The following MIOS variants were observed in gnomAD, a reference collection of about 807,000 sequenced individuals.
MIOS encodes GATOR2 complex protein MIOS.
MIOS carries 52 observed loss-of-function variants against 96.9 expected under a neutral mutation model. The ratio of observed to expected loss-of-function variants is 0.54; its 90% CI spans 0.43 to 0.68. MIOS has a LOEUF of 0.68. Ranked by LOEUF, MIOS falls within the 30% of genes least tolerant of loss-of-function variation. The probability of loss-of-function intolerance (pLI) is 0.00; values close to 1 mark genes in which losing one functional copy is unlikely to be tolerated. For synonymous variants in MIOS, 397 were observed against 359.5 expected, an observed-to-expected ratio of 1.10 and a Z score of -1.18; for missense variants, 1,005 against 1,052.8, an observed-to-expected ratio of 0.95 and a Z score of 0.63.
rs6973400 is a variant in MIOS at position 7,567,093 on chromosome 7, T to A, written c.-221+21T>A. Reference sequence around the variant, plus strand: ...CTCAGGTCAGTGAGCGCGACCCGGTTCGCGTCTCGACTCTCGGGAGCGCCG... The same window carrying A: ...CTCAGGTCAGTGAGCGCGACCCGGTACGCGTCTCGACTCTCGGGAGCGCCG... On this transcript the variant is annotated intron_variant, in intron 1 of 12. Coordinates refer to ENST00000340080, the MANE Select transcript of MIOS (RefSeq NM_019005.4). 1 of 151,988 alleles carries A rather than the reference T, an allele frequency of 6.6e-6. No homozygotes were observed. The highest frequency in any genetic ancestry group is 6.5e-5 in the Admixed American group (1 of 15,270). The allele number at this position is 151,988 out of a possible 1,614,324, so 9.4% of individuals were successfully genotyped here. A position where few individuals can be genotyped will look rare whatever the true frequency, so the allele number is the denominator to read the frequency against.
chr7:7,578,655 G>T (rs544541267), intron 5 of MIOS, among the ~76,000 whole-genome samples: 1 of 152,182 alleles, frequency 6.6e-6, no homozygotes, highest in East Asian at 1.9e-4. Context: ...AAACAAATTA[G>T]TAGCTACAAA....
At chr7:7,601,129 T>C (rs888993259) in intron 11 of MIOS, among the ~76,000 whole-genome samples, 11 of 151,930 alleles carry the variant, frequency 7.2e-5, no homozygotes, top group African/African-American at 2.4e-4. Context: ...AGATCTAAAA[T>C]TGACACCCTA....
chr7:7,573,297 A>G lies in MIOS; in HGVS notation c.822A>G (p.Ala274=), dbSNP rs367605152. 2.2e-5 allele frequency: 36 copies of G among 1,613,990 alleles called. No homozygotes were observed. Among genetic ancestry groups the G allele is most frequent in the Non-Finnish European group, 5.9e-6 (7 of 1,179,982 alleles). Reference sequence around the variant, plus strand: ...AACCAAAACCCTTAACAAAAGTAGCATGGTGTCCCACTAGGACTGGTCTAC... The same window carrying G: ...AACCAAAACCCTTAACAAAAGTAGCGTGGTGTCCCACTAGGACTGGTCTAC... The part of the protein sequence containing the change: ...TEQPKPLTKV[A]WCPTRTGLLA... The change falls in exon 4 of 13, where the codon GCA becomes GCG. Residue 274 remains alanine, a synonymous_variant. Transcript: ENST00000340080. The surrounding 1 kb of genome is among the most constrained non-coding windows in gnomAD (Gnocchi z 5.0).
intron 7 of MIOS, among the ~76,000 whole-genome samples, chr7:7,587,381 G>A (rs368047688): frequency 2.0e-5 from 3 of 152,112 alleles, no homozygotes; most frequent in African/African-American, 7.2e-5. Context: ...TCTTGAGTAC[G>A]AAGTTCATAT....
intron 9 of MIOS, among the ~76,000 whole-genome samples, chr7:7,591,505 C>G (rs866720637): frequency 6.6e-6 from 1 of 151,976 alleles, no homozygotes; most frequent in African/African-American, 2.4e-5. Context: ...GTCTCAAACT[C>G]CTGACCTCAA....
At position 7,597,517 on chromosome 7, in the gene MIOS, T is replaced by TATATATATATATATATATAAAAAA. The variant is rs372634070; in HGVS notation, c.2401+1056_2401+1057insATATATATATATATATATAAAAAA. Among the ~76,000 whole-genome samples the TATATATATATATATATATAAAAAA allele has an allele frequency of 4.3e-4, 30 of 70,442 alleles. 5 individuals are homozygous for TATATATATATATATATATAAAAAA. The highest frequency in any genetic ancestry group is 1.1e-3 in the East Asian group (2 of 1,848). The allele number at this position is 70,442 out of a possible 152,430, so 46.2% of individuals were successfully genotyped here. On this transcript the variant is annotated intron_variant, in intron 11 of 12. Transcript: ENST00000340080. The stretch of plus-strand genomic sequence containing the variant: ...ATATATATATATATATATATATATA[T>TATATATATATATATATATAAAAAA]GAAGGCAATACGTAATGTTTTAAAT...
rs568072452 is a variant in MIOS at position 7,574,134 on chromosome 7, C to G, written c.1331C>G (p.Ser444Cys). The change falls in exon 5 of 13, where the codon TCT becomes TGT. Residue 444 changes from serine to cysteine, a missense_variant. Coordinates refer to ENST00000340080, the MANE Select transcript of MIOS (RefSeq NM_019005.4). ...TACACAGAAGATATGGATCAGAAAT[C>G]TCCAGGCAACAAAGGATCATTGGTT... ...KQYTEDMDQK[S>C]PGNKGSLVYA... The G allele has an allele frequency of 7.4e-6, 12 of 1,610,884 alleles. No homozygotes were observed. The highest frequency in any genetic ancestry group is 1.0e-5 in the Non-Finnish European group (12 of 1,178,298).
At chr7:7,584,784 T>C (rs1367528082) in intron 6 of MIOS, among the ~76,000 whole-genome samples, 1 of 152,184 alleles carries the variant, frequency 6.6e-6, no homozygotes, top group Non-Finnish European at 1.5e-5. Flanking sequence ...AATTCAGTTT[T>C]TTCTTTTGAA....
At chr7:7,593,901 A>AAAAAAAAAAAAAAAAAAAAAAAAC (rs376486803) in intron 9 of MIOS, among the ~76,000 whole-genome samples, 3 of 145,040 alleles carry the variant, frequency 2.1e-5, no homozygotes, top group Non-Finnish European at 4.6e-5. Context: ...AAAAAGAAAA[A>AAAAAAAAAAAAAAAAAAAAAAAAC]GAAAAGAAAA....
chr7:7,591,595 A>T (rs1203025630), intron 9 of MIOS, among the ~76,000 whole-genome samples: 2 of 152,050 alleles, frequency 1.3e-5, no homozygotes, highest in African/African-American at 4.8e-5. Context: ...TCTGATTTTT[A>T]ATGTTTAAGT....
chr7:7,567,356 CG>C (rs1783178920), intron 1 of MIOS: 1 of 152,522 alleles, frequency 6.6e-6, no homozygotes, highest in Admixed American at 6.5e-5. Context: ...CAGCCTTTCC[CG>C]GGAGGCTCAG....
intron 8 of MIOS, 36 bp downstream of exon 8, chr7:7,588,599 A>G (rs774991802): frequency 1.5e-6 from 2 of 1,358,662 alleles, no homozygotes; most frequent in Non-Finnish European, 2.1e-6. Context: ...TGAAGTAATT[A>G]ATATGTACTG....
intron 11 of MIOS, among the ~76,000 whole-genome samples, chr7:7,604,459 G>A (rs1292495428): frequency 6.6e-6 from 1 of 152,082 alleles, no homozygotes; most frequent in Non-Finnish European, 1.5e-5. Flanking sequence ...TTCAACAAAT[G>A]TTTATTTGGT....
chr7:7,587,322 AGTATCCTT>A (rs1783919865), intron 7 of MIOS, among the ~76,000 whole-genome samples: 1 of 152,056 alleles, frequency 6.6e-6, no homozygotes, highest in Non-Finnish European at 1.5e-5. Flanking sequence ...GCCCTGCCCC[AGTATCCTT>A]GTTTTGCTAT....
Position 7,583,172 on chromosome 7 carries a change from T to C in MIOS, c.1448T>C (p.Ile483Thr). 7 of 1,614,158 alleles carry C rather than the reference T, an allele frequency of 4.3e-6. No homozygotes were observed. The highest frequency in any genetic ancestry group is 1.1e-5 in the South Asian group (1 of 91,082). ...AGTGGGTTGGATAAGCAAAGTGATA[T>C]TCAAAATTTAAATGAAGAGAGAATC... The part of the protein sequence containing the change: ...NWSGLDKQSD[I>T]QNLNEERILA... Residue 483 changes from isoleucine to threonine, a missense_variant, in exon 6 of 13, where the codon ATT becomes ACT. Physicochemically the swap from Ile to Thr is moderately conservative, Grantham distance 89. Coordinates refer to ENST00000340080, the MANE Select transcript of MIOS (RefSeq NM_019005.4).
At chr7:7,599,245 CTTAT>C in intron 11 of MIOS, among the ~76,000 whole-genome samples, 1 of 152,226 alleles carries the variant, frequency 6.6e-6, no homozygotes, top group South Asian at 2.1e-4. Context: ...ATTTATTTCT[CTTAT>C]TTATTAGTGA....
rs1784469050 is a variant in MIOS, at chr7:7,604,448, A to G, written c.2402-1494A>G. Among the ~76,000 whole-genome samples, 4 of 152,232 alleles carry G rather than the reference A, an allele frequency of 2.6e-5. No individual in the cohort carries two copies. In the South Asian group the frequency reaches 8.3e-4, roughly 31 times the overall value. On this transcript the variant is annotated intron_variant, in intron 11 of 12. Transcript: ENST00000340080. ...ATTATAAACATTATAAATATTATTTATTCAACAAATGTTTATTTGGTACCT... is the reference window on the plus strand; with the variant it reads ...ATTATAAACATTATAAATATTATTTGTTCAACAAATGTTTATTTGGTACCT...
At chr7:7,592,260 A>C (rs1254384282) in intron 9 of MIOS, among the ~76,000 whole-genome samples, 1 of 152,202 alleles carries the variant, frequency 6.6e-6, no homozygotes, top group African/African-American at 2.4e-5. Context: ...AAGTGCTGGG[A>C]TTACAGGCGC....
Position 7,590,990 on chromosome 7 carries a change from TAC to T in MIOS, c.2043+1429_2043+1430del, listed in dbSNP as rs1289778347. 2.0e-5 allele frequency among the ~76,000 whole-genome samples: 3 copies of T among 152,298 alleles called. No individual in the cohort carries two copies. The East Asian group carries it at 5.8e-4, about 29-fold the overall frequency. ...TTTACAGATATTATATACTCCAACT[TAC>T]AGTGTTTTTTTAACAGTCATTTGTC... On this transcript the variant is annotated intron_variant, in intron 9 of 12. Transcript: ENST00000340080.
Sources: allele counts gnomAD v4.1 joint callset (sites outside exome capture counted in the v4.1 genomes callset), GRCh38; gene constraint gnomAD v4.1.1; non-coding constraint Gnocchi (gnomAD v3.1); transcripts MANE v1.5; gene names NCBI Gene and HGNC (gene_info 2026-07-23, HGNC 2026-07-21).